The following SWT1 variants were observed in gnomAD, a reference collection of about 807,000 sequenced individuals.
SWT1 encodes the protein transcriptional protein SWT1.
A neutral mutation model predicts 107.3 loss-of-function variants in SWT1; 33 were observed. The ratio of observed to expected loss-of-function variants is 0.31; its 90% CI spans 0.23 to 0.41. The LOEUF (loss-of-function observed/expected upper bound fraction) is 0.41, where lower values mean the gene tolerates loss of function less well. Among genes scored for constraint, SWT1 ranks in the 10% least tolerant of loss-of-function variants. The probability of loss-of-function intolerance (pLI) is 1.00; values close to 1 mark genes in which losing one functional copy is unlikely to be tolerated. For missense variants in SWT1, 898 were observed against 1,028.9 expected, an observed-to-expected ratio of 0.87 and a Z score of 1.74; for synonymous variants, 345 against 348.3, an observed-to-expected ratio of 0.99 and a Z score of 0.11.
intron 4 of SWT1, among the ~76,000 whole-genome samples, chr1:185,170,006 T>C (rs1571401569): frequency 6.6e-6 from 1 of 152,248 alleles, no homozygotes; most frequent in South Asian, 2.1e-4. Flanking sequence ...CAAAGAAATT[T>C]GCACAGAAAG....
chr1:185,286,112 T>C (rs1404826894), intron 18 of SWT1, among the ~76,000 whole-genome samples: 2 of 152,222 alleles, frequency 1.3e-5, no homozygotes, highest in South Asian at 2.1e-4. Flanking sequence ...AGAAATTGCA[T>C]TGACAATGTA....
intron 3 of SWT1, among the ~76,000 whole-genome samples, chr1:185,168,091 T>C (rs1654737290): frequency 6.6e-6 from 1 of 152,152 alleles, no homozygotes; most frequent in Non-Finnish European, 1.5e-5. Flanking sequence ...GATGGTAGCG[T>C]AGAGAGAGTC....
chr1:185,271,330 G>A lies in SWT1; in HGVS notation c.2449G>A (p.Ala817Thr). The change falls in exon 17 of 19, where the codon GCC (alanine) becomes ACC (threonine). Residue 817 changes from alanine (A) to threonine (T), a missense_variant. Transcript: ENST00000367500. ...TTTTATTTTATTTTTTAGGATTTTG[G>A]CCCCAAACAGTAATTATCAAGATGT... The part of the protein sequence containing the change: ...DILEGIQRIL[A>T]PNSNYQDVET... 1 of 1,510,362 alleles carries A rather than the reference G, an allele frequency of 6.6e-7. No homozygotes were observed. The highest frequency in any genetic ancestry group is 9.2e-7 in the Non-Finnish European group (1 of 1,087,658). The allele number at this position is 1,510,362 out of a possible 1,614,324, so 93.6% of individuals were successfully genotyped here.
At chr1:185,166,536 G>A (rs777978456) in intron 2 of SWT1, 36 bp from the exon 3 acceptor site, 1 of 1,371,142 alleles carries the variant, frequency 7.3e-7, no homozygotes, top group Non-Finnish European at 1.0e-6. Context: ...TTTATTTTGT[G>A]CTTTTTAAAA....
At chr1:185,176,459 G>C (rs1172001918) in intron 5 of SWT1, 15 of 587,032 alleles carry the variant, frequency 2.6e-5, no homozygotes, top group Non-Finnish European at 3.0e-5. Flanking sequence ...ATCTAGGCTA[G>C]AAAGCTTGGC....
chr1:185,280,939 G>A (rs893437556), intron 18 of SWT1: 49 of 484,980 alleles, frequency 1.0e-4, no homozygotes, highest in Admixed American at 1.3e-4. Context: ...TTGGAAACCA[G>A]AAGCATGTTG....
intron 16 of SWT1, among the ~76,000 whole-genome samples, chr1:185,246,968 T>C (rs750892571): frequency 2.0e-5 from 3 of 152,166 alleles, no homozygotes. Context: ...ATCATTTTTC[T>C]TTACATTCTA....
At chr1:185,205,007 GT>G in intron 12 of SWT1, 144 bp downstream of exon 12, 1 of 529,372 alleles carries the variant, frequency 1.9e-6, no homozygotes, top group East Asian at 3.5e-5. Context: ...TTTTGAAATA[GT>G]TTTTTGACAG....
intron 13 of SWT1, among the ~76,000 whole-genome samples, chr1:185,211,542 C>T (rs1022999805): frequency 2.0e-5 from 3 of 151,972 alleles, no homozygotes; most frequent in Admixed American, 6.6e-5. Flanking sequence ...CTCTCCAAAG[C>T]GGTTTTATAA....
intron 16 of SWT1, among the ~76,000 whole-genome samples, chr1:185,256,189 C>G (rs1169847331): frequency 6.6e-6 from 1 of 151,734 alleles, no homozygotes; most frequent in African/African-American, 2.4e-5. Context: ...GGTAACCCGA[C>G]CTTTCTCTCT....
chr1:185,226,917 ACTT>A (rs1380284892), intron 15 of SWT1: 3 of 1,204,686 alleles, frequency 2.5e-6, no homozygotes, highest in Non-Finnish European at 3.6e-6. Flanking sequence ...CTTCTTTTTA[ACTT>A]CTTTCTGCGG....
At chr1:185,259,189 C>T (rs1156387341) in intron 16 of SWT1, among the ~76,000 whole-genome samples, 4 of 152,048 alleles carry the variant, frequency 2.6e-5, no homozygotes, top group Non-Finnish European at 5.9e-5. Flanking sequence ...CAAAGTCAGC[C>T]AATATTAATC....
intron 15 of SWT1, among the ~76,000 whole-genome samples, chr1:185,225,801 A>G (rs1301792411): frequency 6.6e-6 from 1 of 152,218 alleles, no homozygotes; most frequent in Non-Finnish European, 1.5e-5. Context: ...GTCTTAAGTG[A>G]CACGACTGTA....
intron 15 of SWT1, among the ~76,000 whole-genome samples, chr1:185,231,316 T>G (rs1275064014): frequency 1.3e-5 from 2 of 152,224 alleles, no homozygotes; most frequent in African/African-American, 4.8e-5. Context: ...TTGTTGTCTC[T>G]TAGAATGAAA....
At chr1:185,180,969 CT>C (rs1655971554) in intron 6 of SWT1, among the ~76,000 whole-genome samples, 1 of 152,092 alleles carries the variant, frequency 6.6e-6, no homozygotes, top group African/African-American at 2.4e-5. Flanking sequence ...TTGTAATTGT[CT>C]TTTTAAAGAC....
intron 13 of SWT1, among the ~76,000 whole-genome samples, chr1:185,213,925 G>A (rs1025846797): frequency 6.6e-6 from 1 of 152,076 alleles, no homozygotes; most frequent in Admixed American, 6.6e-5. Context: ...AAAAAATTCT[G>A]CAGGCTTCTT....
At chr1:185,175,407 T>C in intron 5 of SWT1, among the ~76,000 whole-genome samples, 1 of 152,064 alleles carries the variant, frequency 6.6e-6, no homozygotes, top group Non-Finnish European at 1.5e-5. Flanking sequence ...TGGTGTTTTT[T>C]GCAGAGATGA....
rs763791185 is a variant in SWT1, at chr1:185,231,581, G to C, written c.2314G>C (p.Asp772His). The change falls in exon 16 of 19, where the codon GAT becomes CAT. Residue 772 changes from aspartate to histidine, a missense_variant. Physicochemically the swap from Asp to His is moderately conservative, Grantham distance 81 (BLOSUM62 -1). This residue lies in a region of SWT1 where 382 missense variants were observed against 460.0 expected (regional missense o/e 0.83). Transcript: ENST00000367500. ...TCTTTTTTTTCTCTATTTTAGCACG[G>C]ATGTATTTCAAAGATTGGGCTCAAA... ...VWITIYQNST[D>H]VFQRLGSNSA... The C allele has an allele frequency of 4.4e-6, 7 of 1,605,758 alleles. No individual in the cohort carries two copies. In the Admixed American group the frequency reaches 1.2e-4, roughly 27 times the overall value.
At chr1:185,208,779 AC>A (rs1288203831) in intron 13 of SWT1, among the ~76,000 whole-genome samples, 2 of 146,068 alleles carry the variant, frequency 1.4e-5, no homozygotes, top group African/African-American at 5.1e-5. Context: ...TGATGCATTT[AC>A]TCAGGAGTAA....
Sources: gnomAD v4.1 joint callset for allele counts (sites outside exome capture counted in the v4.1 genomes callset) on GRCh38, gnomAD v4.1.1 for gene constraint, gnomAD v4.1.1 regional missense constraint, MANE v1.5 for transcripts, NCBI Gene and HGNC (gene_info 2026-07-23, HGNC 2026-07-21) for gene names.